The following TUFT1 variants were observed in gnomAD, a reference collection of about 807,000 sequenced individuals.
The protein encoded by TUFT1 is tuftelin.
Under a neutral mutation model 57.8 loss-of-function variants are expected in TUFT1, and 43 were observed. The observed-to-expected ratio is 0.74, with a 90% confidence interval of 0.58 to 0.96. The LOEUF (loss-of-function observed/expected upper bound fraction) is 0.96. TUFT1 is among the 40% of genes least tolerant of loss of function. The probability of loss-of-function intolerance (pLI) is 0.00; values close to 1 mark genes in which losing one functional copy is unlikely to be tolerated. For synonymous variants in TUFT1, 166 were observed against 176.7 expected, an observed-to-expected ratio of 0.94 and a Z score of 0.48; for missense variants, 459 against 489.0, an observed-to-expected ratio of 0.94 and a Z score of 0.58.
intron 1 of TUFT1, 186 bp downstream of exon 1, chr1:151,540,612 A>C: frequency 3.1e-6 from 2 of 641,530 alleles, no homozygotes; most frequent in East Asian, 2.9e-5. Flanking sequence ...CGGGGTGAAG[A>C]CTCCTTTGAG....
chr1:151,565,147 C>G (rs979510379), intron 5 of TUFT1: 2 of 152,676 alleles, frequency 1.3e-5, no homozygotes, highest in Admixed American at 6.5e-5. Context: ...GTGTCTGTAT[C>G]CTCACCCTCC....
chr1:151,542,166 A>G (rs577582478), intron 1 of TUFT1, among the ~76,000 whole-genome samples: 1 of 152,264 alleles, frequency 6.6e-6, no homozygotes, highest in African/African-American at 2.4e-5. Context: ...GGCAGTGTTA[A>G]TGAATCATTA....
chr1:151,577,388 A>G (rs543481211), intron 9 of TUFT1, among the ~76,000 whole-genome samples: 8 of 152,264 alleles, frequency 5.3e-5, no homozygotes, highest in Non-Finnish European at 8.8e-5. Flanking sequence ...TCCTGAAGCT[A>G]TCTAGGGACC....
intron 7 of TUFT1, 149 bp from the exon 8 acceptor site, chr1:151,574,121 G>A: frequency 2.3e-6 from 2 of 867,654 alleles, no homozygotes; most frequent in South Asian, 1.8e-5. Flanking sequence ...GTGCAGTGAA[G>A]GGGAGGTGGT....
rs779012077 is a variant in TUFT1, at chr1:151,581,045, G to A, written c.1109+3G>A. The stretch of plus-strand genomic sequence containing the variant: ...GCCAAGACAGAGAACCCGGGCAGGT[G>A]AGTGAGCGTGTGTAGATAGAATGGG... On this transcript the variant is annotated splice_donor_region_variant and intron_variant, in intron 12 of 12. Transcript: ENST00000368849. 55 of 1,613,856 alleles carry A rather than the reference G, an allele frequency of 3.4e-5. No individual in the cohort carries two copies. The highest frequency in any genetic ancestry group is 4.6e-5 in the Non-Finnish European group (54 of 1,179,916).
At chr1:151,562,398 C>T in intron 2 of TUFT1, 187 bp from the exon 3 acceptor site, 1 of 645,420 alleles carries the variant, frequency 1.5e-6, no homozygotes, top group South Asian at 1.9e-5. Context: ...GGCCGGTGTT[C>T]TTGCTGCTGT....
At chr1:151,561,481 A>ACG in intron 1 of TUFT1, 1 of 517,012 alleles carries the variant, frequency 1.9e-6, no homozygotes. Flanking sequence ...GCGCACACAC[A>ACG]CACACACACA....
In TUFT1 at chr1:151,583,122, TG is replaced by T. The variant is rs1456950892; in HGVS notation, c.*1419del. On this transcript the variant is annotated 3_prime_UTR_variant, in exon 13 of 13. Transcript: ENST00000368849. ...CTGATTTTTGTATTTTTAGTAGAGA[TG>T]GGGTTTCACCATACTGGCTAGGCTG... The T allele has an allele frequency of 6.6e-6, 1 of 151,894 alleles. No homozygotes were observed. Among genetic ancestry groups the T allele is most frequent in the Non-Finnish European group, 1.5e-5 (1 of 67,998 alleles). The allele number at this position is 151,894 out of a possible 1,614,324, so 9.4% of individuals were successfully genotyped here. A position where few individuals can be genotyped will look rare whatever the true frequency, so the allele number is the denominator to read the frequency against.
At chr1:151,554,048 C>T (rs759472499) in intron 1 of TUFT1, among the ~76,000 whole-genome samples, 6 of 152,028 alleles carry the variant, frequency 3.9e-5, no homozygotes, top group Non-Finnish European at 7.4e-5. Flanking sequence ...TTTAAGTAAA[C>T]ATTTTATTTT....
At chr1:151,541,288 A>T (rs1057347914) in intron 1 of TUFT1, among the ~76,000 whole-genome samples, 1 of 151,638 alleles carries the variant, frequency 6.6e-6, no homozygotes, top group African/African-American at 2.4e-5. Context: ...AGGCTGGTCT[A>T]CCCCTCTCTC....
At chr1:151,555,328 CAA>C (rs1159462100) in intron 1 of TUFT1, among the ~76,000 whole-genome samples, 14 of 100,302 alleles carry the variant, frequency 1.4e-4, no homozygotes, top group South Asian at 3.1e-4. Context: ...GACTCCCTCT[CAA>C]AAAAAAAAAA....
At chr1:151,553,675 A>G (rs1665582304) in intron 1 of TUFT1, among the ~76,000 whole-genome samples, 1 of 152,160 alleles carries the variant, frequency 6.6e-6, no homozygotes, top group Non-Finnish European at 1.5e-5. Context: ...TAGAGTAACT[A>G]GTGGTGGAAT....
chr1:151,563,873 G>T (rs1336442639), intron 3 of TUFT1, 31 bp from the exon 4 acceptor site: 2 of 1,581,988 alleles, frequency 1.3e-6, no homozygotes, highest in Non-Finnish European at 1.7e-6. Context: ...TTAATTTGAG[G>T]TTTCTTAACT....
intron 11 of TUFT1, among the ~76,000 whole-genome samples, chr1:151,580,504 A>T (rs796368867): frequency 2.1e-4 from 32 of 151,938 alleles, no homozygotes; most frequent in African/African-American, 7.5e-4. Context: ...AAAAGAAAAA[A>T]TTTTTTTAAT....
intron 1 of TUFT1, among the ~76,000 whole-genome samples, chr1:151,552,442 G>A (rs1299144179): frequency 6.6e-6 from 1 of 152,152 alleles, no homozygotes; most frequent in African/African-American, 2.4e-5. Flanking sequence ...GGTGGCTCAC[G>A]CCTTTAATCC....
chr1:151,573,960 G>A (rs72692723), intron 7 of TUFT1, among the ~76,000 whole-genome samples: 6,790 of 152,244 alleles, frequency 0.045, 216 homozygotes, highest in Non-Finnish European at 0.072. Flanking sequence ...AGCTTGGGTG[G>A]TGGTGGAGGG....
intron 1 of TUFT1, among the ~76,000 whole-genome samples, chr1:151,553,381 C>T (rs1429981779): frequency 2.0e-5 from 3 of 152,118 alleles, no homozygotes; most frequent in Non-Finnish European, 4.4e-5. Context: ...CCACTGCACC[C>T]GGCCAGATAA....
In TUFT1 at chr1:151,554,709, T is replaced by C. The variant is rs1481476852; in HGVS notation, c.61-7382T>C. Among the ~76,000 whole-genome samples, 7 of 136,444 alleles carry C rather than the reference T, an allele frequency of 5.1e-5. No homozygotes were observed. The East Asian group carries it at 1.1e-3, about 21-fold the overall frequency. The allele number at this position is 136,444 out of a possible 152,430, so 89.5% of individuals were successfully genotyped here. A position where few individuals can be genotyped will look rare whatever the true frequency, so the allele number is the denominator to read the frequency against. ...TGCCCGGCCCCCTTTTTTTTTTTTTTTTTTTTTTTTTTGAGACAGAGTCTC... is the reference window on the plus strand; with the variant it reads ...TGCCCGGCCCCCTTTTTTTTTTTTTCTTTTTTTTTTTTGAGACAGAGTCTC... On this transcript the variant is annotated intron_variant, in intron 1 of 12. Transcript: ENST00000368849.
At chr1:151,575,437 T>A (rs527746207) in intron 9 of TUFT1, among the ~76,000 whole-genome samples, 10 of 152,160 alleles carry the variant, frequency 6.6e-5, no homozygotes, top group African/African-American at 2.2e-4. Flanking sequence ...AATGAGCAGC[T>A]TCATGAGGAG....
Sources: allele counts gnomAD v4.1 joint callset (sites outside exome capture counted in the v4.1 genomes callset), GRCh38; gene constraint gnomAD v4.1.1; transcripts MANE v1.5; gene names NCBI Gene and HGNC (gene_info 2026-07-23, HGNC 2026-07-21).